Variants in CHD2 observed in about 807,000 individuals in gnomAD.
CHD2 encodes the protein chromodomain helicase DNA binding protein 2.
A neutral mutation model predicts 243.9 loss-of-function variants in CHD2; 28 were observed. The observed-to-expected ratio is 0.11, with a 90% CI of 0.09 to 0.16. The LOEUF (loss-of-function observed/expected upper bound fraction) is 0.16. Ranked by LOEUF, CHD2 falls within the 10% of genes least tolerant of loss-of-function variation. CHD2 has a pLI of 1.00. For missense variants in CHD2, 1,386 were observed against 2,209.8 expected (o/e 0.63, Z 7.47); for synonymous variants, 775 against 779.0 (o/e 0.99, Z 0.09).
intron 20 of CHD2, among the ~76,000 whole-genome samples, chr15:92,976,353 T>C (rs1306344503): frequency 2.0e-5 from 3 of 152,284 alleles, no homozygotes; most frequent in East Asian, 3.9e-4. Flanking sequence ...CTTAGAATAT[T>C]GGGAAGATGG....
At chr15:92,991,449 A>C in intron 26 of CHD2, 27 bp from the exon 27 acceptor site, 1 of 1,549,934 alleles carries the variant, frequency 6.5e-7, no homozygotes, top group Non-Finnish European at 8.8e-7. Context: ...CTGTTTTTTT[A>C]ATATGTTTTA....
chr15:92,930,556 G>A (rs941328006), intron 5 of CHD2, among the ~76,000 whole-genome samples: 2 of 152,068 alleles, frequency 1.3e-5, no homozygotes, highest in Non-Finnish European at 2.9e-5. Flanking sequence ...AGCCACTCGA[G>A]TAGCTGGGAC....
At chr15:92,961,795 C>G (rs970305614) in intron 16 of CHD2, among the ~76,000 whole-genome samples, 8 of 150,428 alleles carry the variant, frequency 5.3e-5, no homozygotes, top group African/African-American at 2.0e-4. Flanking sequence ...TTGGTCAGTT[C>G]TAGCTAAGGG....
At chr15:92,979,087 G>GT in intron 21 of CHD2, 48 bp from the exon 22 acceptor site, 1 of 1,591,544 alleles carries the variant, frequency 6.3e-7, no homozygotes, top group South Asian at 1.1e-5. Flanking sequence ...TTTTTGGGGG[G>GT]GTTGGGGGGT....
intron 16 of CHD2, among the ~76,000 whole-genome samples, chr15:92,964,194 A>G (rs1244656702): frequency 6.6e-6 from 1 of 152,100 alleles, no homozygotes; most frequent in Non-Finnish European, 1.5e-5. Flanking sequence ...ATGATAGGTT[A>G]GAGTTAGAGA....
Position 92,998,415 on chromosome 15 carries a change from TCA to T in CHD2, c.3886-83_3886-82del. The T allele has an allele frequency of 2.6e-5, 40 of 1,566,956 alleles. No homozygotes were observed. Among genetic ancestry groups the T allele is most frequent in the Non-Finnish European group, 3.5e-5 (40 of 1,149,926 alleles). On this transcript the variant is annotated intron_variant, in intron 30 of 38. Coordinates refer to ENST00000394196, the MANE Select transcript of CHD2 (RefSeq NM_001271.4). The surrounding 1 kb of genome is among the most constrained non-coding windows in gnomAD (Gnocchi z 5.1). ...TGGTTGGGGAGGGAAAGGACTGTGCTCAGTTTTTGTTGTCTCTGTTTATCCTG... is the reference window on the plus strand; with the variant it reads ...TGGTTGGGGAGGGAAAGGACTGTGCTGTTTTTGTTGTCTCTGTTTATCCTG...
At chr15:92,934,631 C>T (rs1428695313) in intron 5 of CHD2, among the ~76,000 whole-genome samples, 1 of 152,158 alleles carries the variant, frequency 6.6e-6, no homozygotes. Flanking sequence ...GTGGGAGAGC[C>T]TTATACATCT....
intron 13 of CHD2, 169 bp downstream of exon 13, chr15:92,949,245 G>A (rs1283046039): frequency 1.4e-6 from 2 of 1,428,702 alleles, no homozygotes; most frequent in East Asian, 5.1e-5. Context: ...TGCTTCCTGG[G>A]AGTTTTTATG....
At chr15:92,980,357 G>A (rs1011583534) in intron 22 of CHD2, among the ~76,000 whole-genome samples, 4 of 151,566 alleles carry the variant, frequency 2.6e-5, no homozygotes, top group East Asian at 1.9e-4. Context: ...CATTGTGCCC[G>A]CTGCAGCTAT....
chr15:93,009,435 C>T (rs745529254), intron 35 of CHD2, 112 bp downstream of exon 35: 1 of 1,036,038 alleles, frequency 9.7e-7, no homozygotes, highest in Non-Finnish European at 1.4e-6. Flanking sequence ...TCTCCCAGCA[C>T]AACTCATCTA....
At chr15:92,941,012 T>A (rs1225604623) in intron 7 of CHD2, among the ~76,000 whole-genome samples, 3 of 141,622 alleles carry the variant, frequency 2.1e-5, no homozygotes, top group African/African-American at 7.8e-5. Flanking sequence ...TATATAATTT[T>A]TTTTTTTGAG....
intron 5 of CHD2, among the ~76,000 whole-genome samples, chr15:92,933,896 G>T (rs984877421): frequency 1.3e-5 from 2 of 152,188 alleles, no homozygotes; most frequent in Non-Finnish European, 2.9e-5. Context: ...ATGAGCCACT[G>T]TGCCCGGCCC....
At chr15:92,960,380 G>T (rs919858858) in intron 16 of CHD2, among the ~76,000 whole-genome samples, 10 of 152,242 alleles carry the variant, frequency 6.6e-5, no homozygotes, top group Non-Finnish European at 1.2e-4. Context: ...AAATAGAAAT[G>T]GTGGGAGCAG....
At chr15:92,984,586 C>A in intron 25 of CHD2, 86 bp downstream of exon 25, 1 of 1,252,984 alleles carries the variant, frequency 8.0e-7, no homozygotes, top group Non-Finnish European at 1.1e-6. Flanking sequence ...AGAGGCCTTG[C>A]ATTGTTCCCC....
Position 92,900,397 on chromosome 15 carries a change from C to T in CHD2, c.-499C>T, listed in dbSNP as rs2052512780. 5.1e-6 allele frequency: 2 copies of T among 394,590 alleles called. No individual in the cohort carries two copies. The allele number at this position is 394,590 out of a possible 1,614,324, so 24.4% of individuals were successfully genotyped here. A position where few individuals can be genotyped will look rare whatever the true frequency, so the allele number is the denominator to read the frequency against. The stretch of plus-strand genomic sequence containing the variant: ...CGCTCTGCTCCCTGCCTTTGCCTCA[C>T]TTTACGCAACTTTCCCTAACTTTCG... On this transcript the variant is annotated 5_prime_UTR_variant, in exon 1 of 39. Transcript: ENST00000394196.
chr15:92,989,141 C>A (rs62023147), intron 26 of CHD2, among the ~76,000 whole-genome samples: 8,794 of 149,998 alleles, frequency 0.059, 353 homozygotes, highest in Non-Finnish European at 0.09. Context: ...AAGTGATTCT[C>A]CTGCCTCAGC....
Position 93,014,916 on chromosome 15 carries a change from C to A in CHD2, c.4906+7C>A. The A allele has an allele frequency of 1.2e-6, 2 of 1,609,050 alleles. No homozygotes were observed. Among genetic ancestry groups the A allele is most frequent in the Non-Finnish European group, 1.7e-6 (2 of 1,176,308 alleles). ...AGACACTTCAGTAATGCAGGTAGGT[C>A]ATTAAGTGGAGTTTTTAAAAGAGGT... is the stretch of plus-strand genomic sequence containing the variant. On this transcript the variant is annotated splice_region_variant and intron_variant, in intron 37 of 38. Coordinates refer to ENST00000394196, the MANE Select transcript of CHD2 (RefSeq NM_001271.4).
chr15:92,981,564 G>A (rs2053980781), intron 24 of CHD2, 107 bp downstream of exon 24: 1 of 779,212 alleles, frequency 1.3e-6, no homozygotes, highest in Non-Finnish European at 2.1e-6. Context: ...CTCTTTACCT[G>A]AATTGAGTCA....
chr15:93,020,315 G>A (rs1420953114), intron 38 of CHD2, 57 bp downstream of exon 38: 4 of 1,606,764 alleles, frequency 2.5e-6, no homozygotes, highest in African/African-American at 1.3e-5. Context: ...CTGTTTCTAG[G>A]GAGAAAGTGA....
Sources: gnomAD v4.1 joint callset for allele counts (sites outside exome capture counted in the v4.1 genomes callset) on GRCh38, gnomAD v4.1.1 for gene constraint, Gnocchi (gnomAD v3.1) non-coding constraint, MANE v1.5 for transcripts, NCBI Gene and HGNC (gene_info 2026-07-23, HGNC 2026-07-21) for gene names.